The following GRIA4 variants were observed in gnomAD, a reference collection of about 807,000 sequenced individuals.
GRIA4 encodes glutamate receptor 4.
A neutral mutation model predicts 104.0 loss-of-function variants in GRIA4; 34 were observed. The ratio of observed to expected loss-of-function variants is 0.33; its 90% CI spans 0.25 to 0.44. GRIA4 has a LOEUF of 0.44. GRIA4 is among the 20% of genes least tolerant of loss of function. The pLI, the probability that GRIA4 is intolerant of heterozygous loss-of-function variation, is 1.00. For synonymous variants in GRIA4, 386 were observed against 381.9 expected, an observed-to-expected ratio of 1.01 and a Z score of -0.13; for missense variants, 750 against 1,096.5, an observed-to-expected ratio of 0.68 and a Z score of 4.46.
chr11:105,626,007 T>G (rs1038392726), intron 3 of GRIA4, among the ~76,000 whole-genome samples: 1 of 152,124 alleles, frequency 6.6e-6, no homozygotes, highest in Admixed American at 6.6e-5. Context: ...TATTGCTGAT[T>G]AAAATGCAGA....
intron 4 of GRIA4, among the ~76,000 whole-genome samples, chr11:105,807,320 T>C (rs1009629333): frequency 6.6e-5 from 10 of 151,872 alleles, no homozygotes; most frequent in African/African-American, 2.4e-4. Flanking sequence ...CAGATATGAA[T>C]TGTATGGAAT....
intron 4 of GRIA4, among the ~76,000 whole-genome samples, chr11:105,776,938 C>G (rs1002549735): frequency 6.6e-6 from 1 of 152,186 alleles, no homozygotes; most frequent in African/African-American, 2.4e-5. Flanking sequence ...AGATGTTCTA[C>G]TACCATGACA....
At chr11:105,906,533 C>T (rs767421766) in intron 9 of GRIA4, among the ~76,000 whole-genome samples, 15 of 152,112 alleles carry the variant, frequency 9.9e-5, no homozygotes, top group Admixed American at 2.0e-4. Context: ...TTCCCAGTTG[C>T]GTTTTGCTTC....
chr11:105,815,278 A>G (rs905439001), intron 4 of GRIA4, among the ~76,000 whole-genome samples: 1 of 152,152 alleles, frequency 6.6e-6, no homozygotes, highest in Admixed American at 6.6e-5. Flanking sequence ...GCAATTTAAG[A>G]TCAGTTCTGG....
intron 4 of GRIA4, among the ~76,000 whole-genome samples, chr11:105,818,098 C>A (rs1302536782): frequency 6.6e-6 from 1 of 151,732 alleles, no homozygotes; most frequent in Non-Finnish European, 1.5e-5. Context: ...AAAAAGTGAC[C>A]AAAATAAAAT....
chr11:105,646,454 C>T (rs774541177), intron 3 of GRIA4, among the ~76,000 whole-genome samples: 5 of 152,010 alleles, frequency 3.3e-5, no homozygotes, highest in Non-Finnish European at 5.9e-5. Context: ...TAGACAATCA[C>T]CCAATAGCCA....
chr11:105,797,489 C>T (rs953085567), intron 4 of GRIA4, among the ~76,000 whole-genome samples: 79 of 152,136 alleles, frequency 5.2e-4, no homozygotes, highest in African/African-American at 1.8e-3. Flanking sequence ...TTTCAAATTA[C>T]CACGCCCTAA....
chr11:105,966,772 G>A (rs1858391437), intron 14 of GRIA4, among the ~76,000 whole-genome samples: 1 of 152,054 alleles, frequency 6.6e-6, no homozygotes, highest in African/African-American at 2.4e-5. Context: ...TAGTGTCCCA[G>A]AGCCCTTCTT....
In GRIA4 at chr11:105,864,614, T is replaced by C. The variant is rs1269922826; in HGVS notation, c.672+2406T>C. On this transcript the variant is annotated intron_variant, in intron 5 of 16. Transcript: ENST00000282499. ...GGCCGGGCATGGTGGCTCACGCCTGTAATCCCAGCACTTTGGGAGGCCGAG... is the reference window on the plus strand; with the variant it reads ...GGCCGGGCATGGTGGCTCACGCCTGCAATCCCAGCACTTTGGGAGGCCGAG... 2.0e-5 allele frequency among the ~76,000 whole-genome samples: 3 copies of C among 152,190 alleles called. No homozygotes were observed. The East Asian group carries it at 5.8e-4, about 29-fold the overall frequency.
intron 3 of GRIA4, among the ~76,000 whole-genome samples, chr11:105,637,463 A>AT (rs35029251): frequency 0.33 from 49,793 of 151,974 alleles, 8,754 homozygotes; most frequent in Admixed American, 0.46. Context: ...TGTTAGCACA[A>AT]TTTTTTGTAA....
chr11:105,682,179 T>A (rs930223847), intron 3 of GRIA4, among the ~76,000 whole-genome samples: 1 of 152,328 alleles, frequency 6.6e-6, no homozygotes, highest in Middle Eastern at 3.4e-3. Flanking sequence ...TTACACTCAA[T>A]AAAAATGTGT....
chr11:105,849,691 A>G (rs1944727993), intron 4 of GRIA4, among the ~76,000 whole-genome samples: 1 of 152,214 alleles, frequency 6.6e-6, no homozygotes, highest in Admixed American at 6.5e-5. Flanking sequence ...CAGCTCTCCC[A>G]GGACTATTAA....
At chr11:105,615,164 AT>A (rs1950569384) in intron 3 of GRIA4, among the ~76,000 whole-genome samples, 1 of 151,906 alleles carries the variant, frequency 6.6e-6, no homozygotes, top group African/African-American at 2.4e-5. Flanking sequence ...ATGTTTAATT[AT>A]TTTGTGGAAT....
At chr11:105,803,270 G>A (rs186493815) in intron 4 of GRIA4, among the ~76,000 whole-genome samples, 3 of 151,868 alleles carry the variant, frequency 2.0e-5, no homozygotes, top group Admixed American at 6.6e-5. Flanking sequence ...ATTCTTGCAG[G>A]AGGCAAGGGA....
chr11:105,753,342 T>C lies in GRIA4; in HGVS notation c.487+122T>C, dbSNP rs564414284. 38 of 872,674 alleles carry C rather than the reference T, an allele frequency of 4.4e-5. No individual in the cohort carries two copies. In the African/African-American group the frequency reaches 6.0e-4, roughly 14 times the overall value. 54.1% of individuals were successfully genotyped at this position (872,674 alleles called of 1,614,324 possible). ...AACATCACTAAAATCAGAAAATGGT[T>C]GATGTGTATTTTTATCTTGACTCTG... On this transcript the variant is annotated intron_variant, in intron 4 of 16. Transcript: ENST00000282499.
intron 4 of GRIA4, among the ~76,000 whole-genome samples, chr11:105,791,483 G>A (rs750169005): frequency 2.0e-5 from 3 of 151,976 alleles, no homozygotes; most frequent in Non-Finnish European, 4.4e-5. Context: ...TACATGTGGG[G>A]CTTCCATATT....
At chr11:105,697,052 C>A (rs1228590034) in intron 3 of GRIA4, among the ~76,000 whole-genome samples, 1 of 152,146 alleles carries the variant, frequency 6.6e-6, no homozygotes, top group Admixed American at 6.5e-5. Flanking sequence ...ATGGAACCCA[C>A]CGCACCCAGC....
At chr11:105,858,290 A>C (rs1396066487) in intron 4 of GRIA4, among the ~76,000 whole-genome samples, 1 of 152,136 alleles carries the variant, frequency 6.6e-6, no homozygotes, top group Non-Finnish European at 1.5e-5. Flanking sequence ...CCTAGATAGT[A>C]AATTCTTTGT....
chr11:105,945,991 T>C (rs1171457656), intron 14 of GRIA4, among the ~76,000 whole-genome samples: 2 of 152,162 alleles, frequency 1.3e-5, no homozygotes, highest in African/African-American at 4.8e-5. Flanking sequence ...TATTTGGAAA[T>C]ATGATCAGTC....
Sources: gnomAD v4.1 joint callset for allele counts (sites outside exome capture counted in the v4.1 genomes callset) on GRCh38, gnomAD v4.1.1 for gene constraint, MANE v1.5 for transcripts, NCBI Gene and HGNC (gene_info 2026-07-23, HGNC 2026-07-21) for gene names.